Variants in PTPRT observed in about 807,000 individuals in gnomAD.
The protein encoded by PTPRT is receptor-type tyrosine-protein phosphatase T.
A neutral mutation model predicts 176.8 loss-of-function variants in PTPRT; 56 were observed. The observed-to-expected ratio is 0.32, with a 90% CI of 0.26 to 0.40. The LOEUF (loss-of-function observed/expected upper bound fraction) is 0.40, where lower values mean the gene tolerates loss of function less well. Among genes scored for constraint, PTPRT ranks in the 10% least tolerant of loss-of-function variants. The pLI is 1.00. For missense variants in PTPRT, 1,540 were observed against 1,908.2 expected (o/e 0.81, Z 3.60); for synonymous variants, 783 against 739.0 (o/e 1.06, Z -0.96).
At chr20:42,627,925 T>C (rs1210932983) in intron 7 of PTPRT, among the ~76,000 whole-genome samples, 2 of 152,106 alleles carry the variant, frequency 1.3e-5, no homozygotes, top group African/African-American at 4.8e-5. Context: ...TATTGTGAAG[T>C]CTTGTCTTTT....
chr20:42,172,842 G>A (rs1260536328), intron 16 of PTPRT, among the ~76,000 whole-genome samples: 3 of 152,070 alleles, frequency 2.0e-5, no homozygotes, highest in African/African-American at 7.2e-5. Context: ...GAACACTAGC[G>A]CTGAGTTTCT....
chr20:42,159,204 C>CT (rs36084546), intron 17 of PTPRT, among the ~76,000 whole-genome samples: 147 of 124,894 alleles, frequency 1.2e-3, no homozygotes, highest in South Asian at 4.1e-3. Flanking sequence ...TCCTTTCTTT[C>CT]TTTTTTTTTT....
intron 7 of PTPRT, among the ~76,000 whole-genome samples, chr20:42,655,521 A>G (rs1480201298): frequency 6.6e-6 from 1 of 152,188 alleles, no homozygotes; most frequent in African/African-American, 2.4e-5. Flanking sequence ...ACCAGATCTC[A>G]TATTTATACC....
chr20:43,103,426 A>G (rs1470135204), intron 1 of PTPRT, among the ~76,000 whole-genome samples: 1 of 152,208 alleles, frequency 6.6e-6, no homozygotes, highest in Non-Finnish European at 1.5e-5. Flanking sequence ...TGGTGTTACA[A>G]GAGATGCAAG....
At chr20:43,135,929 T>G (rs979377852) in intron 1 of PTPRT, among the ~76,000 whole-genome samples, 5 of 152,198 alleles carry the variant, frequency 3.3e-5, no homozygotes, top group African/African-American at 1.2e-4. Context: ...AAACAGAGAA[T>G]GGTGTTTTTC....
At chr20:42,483,925 G>A (rs1432085884) in intron 7 of PTPRT, among the ~76,000 whole-genome samples, 2 of 152,192 alleles carry the variant, frequency 1.3e-5, no homozygotes, top group East Asian at 1.9e-4. Flanking sequence ...AGGAGGACGG[G>A]GAGACTTCAG....
intron 7 of PTPRT, among the ~76,000 whole-genome samples, chr20:42,649,890 C>G (rs2145965728): frequency 6.6e-6 from 1 of 152,266 alleles, no homozygotes; most frequent in Non-Finnish European, 1.5e-5. Flanking sequence ...GCAAGGCTTA[C>G]TTGCCTCAGG....
chr20:42,735,324 C>T (rs1388633319), intron 6 of PTPRT, among the ~76,000 whole-genome samples: 2 of 151,996 alleles, frequency 1.3e-5, no homozygotes, highest in African/African-American at 2.4e-5. Context: ...AGGCTTGACC[C>T]CTGAGCTGTC....
intron 1 of PTPRT, among the ~76,000 whole-genome samples, chr20:42,976,217 T>C (rs932533742): frequency 6.6e-6 from 1 of 152,068 alleles, no homozygotes; most frequent in Non-Finnish European, 1.5e-5. Context: ...GAAAACTGTA[T>C]CAGATACAGG....
chr20:42,792,574 A>C (rs529768615), intron 2 of PTPRT, among the ~76,000 whole-genome samples: 14 of 152,340 alleles, frequency 9.2e-5, no homozygotes, highest in African/African-American at 3.1e-4. Flanking sequence ...TTAGAGTCTT[A>C]TGATTCTATG....
At chr20:42,508,872 C>T (rs933649305) in intron 7 of PTPRT, among the ~76,000 whole-genome samples, 1 of 146,946 alleles carries the variant, frequency 6.8e-6, no homozygotes. Flanking sequence ...TTTATCCTTA[C>T]ACTTAATTTA....
intron 9 of PTPRT, among the ~76,000 whole-genome samples, chr20:42,436,430 A>G (rs1479550064): frequency 2.0e-5 from 3 of 152,204 alleles, no homozygotes; most frequent in Non-Finnish European, 4.4e-5. Context: ...CCCACAGAAA[A>G]TGAAATACAA....
intron 1 of PTPRT, among the ~76,000 whole-genome samples, chr20:43,083,333 T>TACATAC (rs1568773932): frequency 9.9e-6 from 1 of 100,570 alleles, no homozygotes; most frequent in African/African-American, 4.5e-5. Context: ...TATATATATA[T>TACATAC]ATATATATAT....
chr20:43,174,968 T>C (rs990930320), intron 1 of PTPRT, among the ~76,000 whole-genome samples: 3 of 152,198 alleles, frequency 2.0e-5, no homozygotes, highest in African/African-American at 7.2e-5. Flanking sequence ...TTAAGAAACA[T>C]AGAAATCATC....
chr20:42,180,998 A>G (rs1990496593), intron 16 of PTPRT, among the ~76,000 whole-genome samples: 2 of 152,246 alleles, frequency 1.3e-5, no homozygotes, highest in Non-Finnish European at 2.9e-5. Context: ...CCTAGTACCA[A>G]CAATAATCAT....
chr20:42,894,184 C>T (rs952083532), intron 1 of PTPRT, among the ~76,000 whole-genome samples: 5 of 152,032 alleles, frequency 3.3e-5, no homozygotes, highest in South Asian at 2.1e-4. Flanking sequence ...GTTGAGACCA[C>T]GGACAGGTGG....
chr20:42,205,384 T>G (rs530999443), intron 15 of PTPRT, among the ~76,000 whole-genome samples: 1 of 152,172 alleles, frequency 6.6e-6, no homozygotes, highest in Non-Finnish European at 1.5e-5. Flanking sequence ...AGCAAGTACG[T>G]TGAATCTGTG....
chr20:42,427,477 G>C (rs1220607545), intron 9 of PTPRT, among the ~76,000 whole-genome samples: 1 of 151,680 alleles, frequency 6.6e-6, no homozygotes, highest in Non-Finnish European at 1.5e-5. Flanking sequence ...TGCAGATTCA[G>C]TGTCTAGTGA....
chr20:42,794,132 T>C (rs886687069), intron 2 of PTPRT, among the ~76,000 whole-genome samples: 3 of 152,222 alleles, frequency 2.0e-5, no homozygotes, highest in Admixed American at 6.5e-5. Context: ...GAGATTGCCC[T>C]GTTCCATGTA....
Sources: gnomAD v4.1 joint callset for allele counts (sites outside exome capture counted in the v4.1 genomes callset) on GRCh38, gnomAD v4.1.1 for gene constraint, MANE v1.5 for transcripts, NCBI Gene and HGNC (gene_info 2026-07-23, HGNC 2026-07-21) for gene names.